CCR5AS: variants seen among roughly 807,000 people sequenced by gnomAD.
CCR5AS encodes CCR5 antisense RNA.
chr3:46,388,562 T>G (rs1005348796), intron 2 of CCR5AS, among the ~76,000 whole-genome samples: 1 of 151,932 alleles, frequency 6.6e-6, no homozygotes, highest in Non-Finnish European at 1.5e-5. Flanking sequence ...CATCCTTGAG[T>G]TTTTTTTATG....
rs768257027 is a variant in CCR5AS at position 46,373,105 on chromosome 3, A to C, written n.392-1688T>G. ...AGGCTGAAGAGCATGACTGACATCT[A>C]CCTGCTCAACCTGGCCATCTCTGAC... On this transcript the variant is annotated intron_variant and non_coding_transcript_variant, in intron 2 of 3. Coordinates refer to ENST00000451485, the Ensembl canonical transcript of CCR5AS. 2.4e-5 allele frequency: 39 copies of C among 1,614,002 alleles called. No homozygotes were observed. The Middle Eastern group carries it at 1.5e-3, about 61-fold the overall frequency.
intron 2 of CCR5AS, chr3:46,373,405 G>C (rs1487209735): frequency 6.2e-7 from 1 of 1,614,114 alleles, no homozygotes; most frequent in Non-Finnish European, 8.5e-7. Flanking sequence ...ATCTTTACCA[G>C]ATCTCAAAAA....
chr3:46,398,402 C>T (rs967037304), intron 1 of CCR5AS, among the ~76,000 whole-genome samples: 37 of 152,204 alleles, frequency 2.4e-4, no homozygotes, highest in Admixed American at 2.4e-3. Context: ...TGAGTGATAG[C>T]TGGCAGAGCT....
intron 2 of CCR5AS, among the ~76,000 whole-genome samples, chr3:46,377,951 C>A (rs140661605): frequency 6.6e-6 from 1 of 152,058 alleles, no homozygotes; most frequent in Non-Finnish European, 1.5e-5. Flanking sequence ...GTGATCTGCC[C>A]GCCTCGGCCT....
chr3:46,398,783 C>T (rs1701982195), intron 1 of CCR5AS, among the ~76,000 whole-genome samples: 1 of 151,992 alleles, frequency 6.6e-6, no homozygotes, highest in South Asian at 2.1e-4. Flanking sequence ...TCTAGGAATG[C>T]ATATTCACCC....
chr3:46,385,670 C>A (rs1412234058), intron 2 of CCR5AS, among the ~76,000 whole-genome samples: 1 of 152,142 alleles, frequency 6.6e-6, no homozygotes, highest in Non-Finnish European at 1.5e-5. Flanking sequence ...AGCCCCAAAC[C>A]CTACTGGGCG....
intron 2 of CCR5AS, chr3:46,374,317 A>T (rs1245829120): frequency 1.0e-5 from 2 of 200,048 alleles, no homozygotes; most frequent in African/African-American, 2.3e-5. Flanking sequence ...TGATCTGAAC[A>T]GAAATACCAA....
At chr3:46,377,123 G>T (rs1442701188) in intron 2 of CCR5AS, among the ~76,000 whole-genome samples, 2 of 152,178 alleles carry the variant, frequency 1.3e-5, no homozygotes, top group Non-Finnish European at 2.9e-5. Flanking sequence ...GAAGGTATCA[G>T]CTTTTGTGGC....
At chr3:46,395,149 T>C (rs1180607419) in intron 1 of CCR5AS, among the ~76,000 whole-genome samples, 1 of 152,076 alleles carries the variant, frequency 6.6e-6, no homozygotes, top group African/African-American at 2.4e-5. Flanking sequence ...TCAGGACTTT[T>C]AGGGAGGCAT....
intron 1 of CCR5AS, among the ~76,000 whole-genome samples, chr3:46,399,160 G>C (rs1159661045): frequency 1.3e-5 from 2 of 152,180 alleles, no homozygotes; most frequent in African/African-American, 4.8e-5. Context: ...CACCACTTCA[G>C]CTTGGGAATC....
At chr3:46,374,473 C>A (rs1000094225) in intron 2 of CCR5AS, 5 of 167,150 alleles carry the variant, frequency 3.0e-5, no homozygotes, top group African/African-American at 1.2e-4. Context: ...TGTGTGATTT[C>A]CCCTCCAAGG....
At position 46,388,846 on chromosome 3, in the gene CCR5AS, G is replaced by A. The variant is rs187846672; in HGVS notation, n.391+3979C>T. ...AGAGTGAGTATAAAAGTAAAGAATA[G>A]AACTTCATCAGGGTGAAAGTATTGG... On this transcript the variant is annotated intron_variant and non_coding_transcript_variant, in intron 2 of 3. Coordinates refer to ENST00000451485, the Ensembl canonical transcript of CCR5AS. 2.1e-4 allele frequency among the ~76,000 whole-genome samples: 32 copies of A among 152,298 alleles called. 1 individual carries two copies. In the East Asian group the frequency reaches 6.2e-3, roughly 29 times the overall value.
chr3:46,386,498 C>T (rs564907611), intron 2 of CCR5AS, among the ~76,000 whole-genome samples: 5 of 152,260 alleles, frequency 3.3e-5, no homozygotes, highest in African/African-American at 9.6e-5. Context: ...CAGGCCTGGA[C>T]TATGGCAGAG....
At chr3:46,388,561 GTT>G (rs1011707689) in intron 2 of CCR5AS, among the ~76,000 whole-genome samples, 1 of 152,006 alleles carries the variant, frequency 6.6e-6, no homozygotes, top group South Asian at 2.1e-4. Context: ...CCATCCTTGA[GTT>G]TTTTTTATGT....
chr3:46,401,936 A>G (rs1702009264), intron 1 of CCR5AS, among the ~76,000 whole-genome samples: 1 of 152,086 alleles, frequency 6.6e-6, no homozygotes, highest in Admixed American at 6.5e-5. Context: ...TGATCAAAAC[A>G]TTTTGGGAAA....
At chr3:46,377,391 T>A (rs984272111) in intron 2 of CCR5AS, among the ~76,000 whole-genome samples, 1 of 152,170 alleles carries the variant, frequency 6.6e-6, no homozygotes, top group Non-Finnish European at 1.5e-5. Context: ...GGAGATTGCA[T>A]GCCATGGATA....
At chr3:46,395,091 C>T (rs1178949022) in intron 1 of CCR5AS, among the ~76,000 whole-genome samples, 2 of 152,168 alleles carry the variant, frequency 1.3e-5, no homozygotes, top group African/African-American at 2.4e-5. Context: ...AAAGCCCTGA[C>T]TGGAGAGAAG....
chr3:46,402,932 T>G (rs1482494419), intron 1 of CCR5AS, among the ~76,000 whole-genome samples: 1 of 152,206 alleles, frequency 6.6e-6, no homozygotes, highest in African/African-American at 2.4e-5. Flanking sequence ...TGTTGTTCCC[T>G]TCTTTGAGTT....
At chr3:46,384,926 C>A (rs1284844859) in intron 2 of CCR5AS, among the ~76,000 whole-genome samples, 4 of 151,970 alleles carry the variant, frequency 2.6e-5, no homozygotes, top group Non-Finnish European at 5.9e-5. Flanking sequence ...GACAGACAGA[C>A]ACTGGTGTGA....
Sources: gnomAD v4.1 joint callset for allele counts (sites outside exome capture counted in the v4.1 genomes callset) on GRCh38, gnomAD v4.1.1 for gene constraint, MANE v1.5 for transcripts, NCBI Gene and HGNC (gene_info 2026-07-23, HGNC 2026-07-21) for gene names.